Variants in RBFOX1 observed in about 807,000 individuals in gnomAD.
The protein encoded by RBFOX1 is RNA binding protein fox-1 homolog 1.
A neutral mutation model predicts 57.7 loss-of-function variants in RBFOX1; 8 were observed. The ratio of observed to expected loss-of-function variants is 0.14; its 90% CI spans 0.08 to 0.25. The LOEUF is 0.25. Ranked by LOEUF, RBFOX1 falls within the 10% of genes least tolerant of loss-of-function variation. RBFOX1 has a pLI of 1.00. For synonymous variants in RBFOX1, 326 were observed against 222.4 expected (o/e 1.47, Z -4.15); for missense variants, 611 against 548.5 (o/e 1.11, Z -1.14).
At chr16:6,744,267 C>T (rs1262924237) in intron 3 of RBFOX1, among the ~76,000 whole-genome samples, 1 of 152,022 alleles carries the variant, frequency 6.6e-6, no homozygotes, top group Non-Finnish European at 1.5e-5. Context: ...TATTTCAGTG[C>T]TAGTCTCTCA....
intron 3 of RBFOX1, among the ~76,000 whole-genome samples, chr16:6,832,955 A>T (rs12918488): frequency 6.6e-6 from 1 of 152,084 alleles, no homozygotes; most frequent in Non-Finnish European, 1.5e-5. Flanking sequence ...TTAAAAATAC[A>T]GTCACACAAA....
At chr16:5,542,191 A>G (rs894207600) in intron 2 of RBFOX1, among the ~76,000 whole-genome samples, 1 of 151,054 alleles carries the variant, frequency 6.6e-6, no homozygotes, top group Admixed American at 6.6e-5. Context: ...CTCCCCTTCT[A>G]TGCGCACTCA....
intron 4 of RBFOX1, among the ~76,000 whole-genome samples, chr16:7,300,742 A>G (rs1162758854): frequency 6.6e-6 from 1 of 152,236 alleles, no homozygotes; most frequent in African/African-American, 2.4e-5. Flanking sequence ...TTGGAAGAAA[A>G]AAAGTTACAA....
At chr16:6,760,215 A>T (rs17141321) in intron 3 of RBFOX1, among the ~76,000 whole-genome samples, 4,407 of 152,326 alleles carry the variant, frequency 0.029, 196 homozygotes, top group African/African-American at 0.092. Context: ...ATAGTTTGTA[A>T]TGAATTCCTC....
At chr16:7,171,688 T>C (rs531824537) in intron 4 of RBFOX1, among the ~76,000 whole-genome samples, 3 of 152,326 alleles carry the variant, frequency 2.0e-5, no homozygotes, top group South Asian at 2.1e-4. Context: ...GATTTAGTTA[T>C]AGGGTAAGCA....
chr16:6,577,268 A>G (rs576347392), intron 2 of RBFOX1: 1 of 152,318 alleles, frequency 6.6e-6, no homozygotes, highest in South Asian at 2.1e-4. Context: ...ATTGCCTAAC[A>G]TCATACTAAT....
intron 3 of RBFOX1, among the ~76,000 whole-genome samples, chr16:6,678,610 T>C (rs1568177521): frequency 6.6e-6 from 1 of 151,244 alleles, no homozygotes; most frequent in Non-Finnish European, 1.5e-5. Flanking sequence ...GCGGATTGCA[T>C]ACTAGATTTT....
At chr16:7,383,458 T>G (rs759592799) in intron 4 of RBFOX1, among the ~76,000 whole-genome samples, 2 of 152,122 alleles carry the variant, frequency 1.3e-5, no homozygotes, top group Non-Finnish European at 2.9e-5. Context: ...TTGAATTATC[T>G]GAGTTTTAGG....
Position 6,693,747 on chromosome 16 carries a change from C to G in RBFOX1, c.-16+39097C>G, listed in dbSNP as rs549095107. Among the ~76,000 whole-genome samples, 65 of 152,142 alleles carry G rather than the reference C, an allele frequency of 4.3e-4. 2 individuals are homozygous for G. The South Asian group carries it at 0.012, about 29-fold the overall frequency. ...CCACCATCATCCTCATCCTCATCCA[C>G]TAACATCACCACCATCATTAGCAAC... On this transcript the variant is annotated intron_variant, in intron 3 of 15. Transcript: ENST00000550418.
chr16:7,329,303 C>T (rs991027967), intron 4 of RBFOX1, among the ~76,000 whole-genome samples: 1 of 152,218 alleles, frequency 6.6e-6, no homozygotes, highest in Non-Finnish European at 1.5e-5. Flanking sequence ...ACTCTCCTTT[C>T]ACCTTGCTGT....
chr16:5,836,448 C>G (rs536925454), intron 3 of RBFOX1, among the ~76,000 whole-genome samples: 2 of 152,324 alleles, frequency 1.3e-5, no homozygotes, highest in Admixed American at 6.5e-5. Flanking sequence ...CTTGCTCCCC[C>G]TGTTCTGCTC....
At chr16:6,102,606 C>G (rs1172278105) in intron 1 of RBFOX1, among the ~76,000 whole-genome samples, 1 of 152,166 alleles carries the variant, frequency 6.6e-6, no homozygotes, top group Admixed American at 6.5e-5. Flanking sequence ...CGTCTTCCCT[C>G]TCCCTCTCCT....
chr16:5,625,526 A>G (rs949973985), intron 3 of RBFOX1, among the ~76,000 whole-genome samples: 2 of 121,660 alleles, frequency 1.6e-5, no homozygotes, highest in African/African-American at 5.8e-5. Context: ...TACTCTTTTA[A>G]TATTTTTTGT....
chr16:6,950,668 G>A (rs2080535777), intron 3 of RBFOX1, among the ~76,000 whole-genome samples: 1 of 152,166 alleles, frequency 6.6e-6, no homozygotes, highest in South Asian at 2.1e-4. Flanking sequence ...AGAAAGAGGT[G>A]AGGTTCAGGT....
At chr16:6,550,413 A>G (rs2096968488) in intron 2 of RBFOX1, among the ~76,000 whole-genome samples, 1 of 152,094 alleles carries the variant, frequency 6.6e-6, no homozygotes, top group Non-Finnish European at 1.5e-5. Context: ...ATGGCCTCCA[A>G]TTCGTGGCCT....
At chr16:5,296,282 G>C (rs1035230935) in intron 1 of RBFOX1, among the ~76,000 whole-genome samples, 1 of 151,876 alleles carries the variant, frequency 6.6e-6, no homozygotes, top group African/African-American at 2.4e-5. Flanking sequence ...ACTATGTTTC[G>C]GGTGGCCTCT....
chr16:6,090,313 C>G (rs1389323682), intron 1 of RBFOX1, among the ~76,000 whole-genome samples: 1 of 152,086 alleles, frequency 6.6e-6, no homozygotes, highest in Non-Finnish European at 1.5e-5. Flanking sequence ...TCCCTGTTGC[C>G]CTGTAAGGTA....
chr16:6,551,221 G>A (rs577650688), intron 2 of RBFOX1, among the ~76,000 whole-genome samples: 3 of 152,308 alleles, frequency 2.0e-5, no homozygotes, highest in African/African-American at 7.2e-5. Context: ...AGCAAATGTT[G>A]TGTAGCATCA....
chr16:6,601,189 G>GT (rs960496286), intron 2 of RBFOX1, among the ~76,000 whole-genome samples: 3 of 152,192 alleles, frequency 2.0e-5, no homozygotes, highest in African/African-American at 7.2e-5. Flanking sequence ...CTTAGTACTT[G>GT]TTTTTTTAAG....
Sources: gnomAD v4.1 joint callset for allele counts (sites outside exome capture counted in the v4.1 genomes callset) on GRCh38, gnomAD v4.1.1 for gene constraint, MANE v1.5 for transcripts, NCBI Gene and HGNC (gene_info 2026-07-23, HGNC 2026-07-21) for gene names.